Variants in FOXP2 observed in about 807,000 individuals in gnomAD.
FOXP2 encodes forkhead box P2.
In FOXP2, 12 loss-of-function variants were observed where a neutral mutation model predicts 115.8. That is an observed-to-expected ratio of 0.10 (90% CI 0.07 to 0.17). FOXP2 has a LOEUF of 0.17. Among genes scored for constraint, FOXP2 ranks in the 10% least tolerant of loss-of-function variants. The pLI, the probability that FOXP2 is intolerant of heterozygous loss-of-function variation, is 1.00. For synonymous variants in FOXP2, 328 were observed against 297.7 expected, an observed-to-expected ratio of 1.10 and a Z score of -1.05; for missense variants, 629 against 843.5, an observed-to-expected ratio of 0.75 and a Z score of 3.15.
chr7:114,658,077 G>A lies in FOXP2; in HGVS notation c.1278G>A (p.Val426=). The A allele has an allele frequency of 6.2e-7, 1 of 1,613,682 alleles. No individual in the cohort carries two copies. The highest frequency in any genetic ancestry group is 8.5e-7 in the Non-Finnish European group (1 of 1,179,770). ...PKPSPKPLNL[V]SSVTMSKNML... is the part of the protein sequence containing the mutation. ...TTGGGCCTTTGCAGCTAAATCTGGTGTCTAGTGTCACCATGTCGAAGAATA... is the reference window on the plus strand; with the variant it reads ...TTGGGCCTTTGCAGCTAAATCTGGTATCTAGTGTCACCATGTCGAAGAATA... The change falls in exon 11 of 17, where the codon GTG becomes GTA. Residue 426 remains valine (V), a synonymous_variant. Coordinates refer to ENST00000350908, the MANE Select transcript of FOXP2 (RefSeq NM_014491.4).
At chr7:114,193,337 A>G (rs1221795193) in intron 1 of FOXP2, among the ~76,000 whole-genome samples, 3 of 151,952 alleles carry the variant, frequency 2.0e-5, no homozygotes, top group Admixed American at 2.0e-4. Flanking sequence ...TGATTATGTC[A>G]TTTTCTGAAG....
chr7:114,459,147 C>T (rs1054401591), intron 2 of FOXP2, among the ~76,000 whole-genome samples: 2 of 152,166 alleles, frequency 1.3e-5, no homozygotes, highest in Non-Finnish European at 2.9e-5. Context: ...GCAGCCAGTC[C>T]TCTTAAGAGC....
At chr7:114,453,368 T>C (rs1795149944) in intron 2 of FOXP2, among the ~76,000 whole-genome samples, 1 of 152,150 alleles carries the variant, frequency 6.6e-6, no homozygotes, top group Non-Finnish European at 1.5e-5. Context: ...TTTTGTTTAC[T>C]ATCAGTACAA....
At chr7:114,682,857 T>C (rs1235209022) in intron 16 of FOXP2, among the ~76,000 whole-genome samples, 1 of 152,160 alleles carries the variant, frequency 6.6e-6, no homozygotes, top group African/African-American at 2.4e-5. Flanking sequence ...AATAGAAATT[T>C]TATTTTTATT....
rs541122786 is a variant in FOXP2, at chr7:114,587,097, G to T, written c.259-41443G>T. 6.0e-5 allele frequency among the ~76,000 whole-genome samples: 9 copies of T among 150,164 alleles called. No individual in the cohort carries two copies. In the South Asian group the frequency reaches 1.9e-3, roughly 32 times the overall value. Reference sequence around the variant, plus strand: ...AATTTTACTTTAAGTTCTGGGATACGTGTGCAGAACGTGCAGGTTTGTTAC... The same window carrying T: ...AATTTTACTTTAAGTTCTGGGATACTTGTGCAGAACGTGCAGGTTTGTTAC... On this transcript the variant is annotated intron_variant, in intron 3 of 16. Coordinates refer to ENST00000350908, the MANE Select transcript of FOXP2 (RefSeq NM_014491.4).
At chr7:114,608,992 G>A (rs1803484590) in intron 3 of FOXP2, among the ~76,000 whole-genome samples, 5 of 151,762 alleles carry the variant, frequency 3.3e-5, no homozygotes, top group Non-Finnish European at 7.4e-5. Flanking sequence ...TGAGGTCAGG[G>A]TTTCGAGACC....
At chr7:114,610,693 G>T (rs1345582382) in intron 3 of FOXP2, among the ~76,000 whole-genome samples, 13 of 150,040 alleles carry the variant, frequency 8.7e-5, no homozygotes, top group Non-Finnish European at 1.3e-4. Context: ...TTTTGTTTTT[G>T]AGGTAGAGTC....
chr7:114,289,657 A>G (rs903980500), intron 2 of FOXP2, among the ~76,000 whole-genome samples: 2 of 151,956 alleles, frequency 1.3e-5, no homozygotes, highest in Non-Finnish European at 2.9e-5. Flanking sequence ...TTTTAAAAGT[A>G]GAGAATTCCT....
chr7:114,461,592 G>C (rs1795561808), intron 2 of FOXP2, among the ~76,000 whole-genome samples: 1 of 152,002 alleles, frequency 6.6e-6, no homozygotes, highest in Admixed American at 6.5e-5. Flanking sequence ...CTCATGAGTT[G>C]CTTTTTGTTT....
intron 3 of FOXP2, among the ~76,000 whole-genome samples, chr7:114,619,687 A>G (rs1219833098): frequency 2.0e-5 from 3 of 152,172 alleles, no homozygotes; most frequent in South Asian, 2.1e-4. Context: ...CCTTTGGGTC[A>G]AATTATTCTT....
intron 2 of FOXP2, among the ~76,000 whole-genome samples, chr7:114,333,594 A>G (rs576506214): frequency 2.0e-5 from 3 of 152,200 alleles, no homozygotes; most frequent in Non-Finnish European, 4.4e-5. Context: ...CTCTACTAAA[A>G]ATACAAAAAT....
intron 6 of FOXP2, among the ~76,000 whole-genome samples, chr7:114,632,940 A>C (rs1366469600): frequency 6.6e-6 from 1 of 152,160 alleles, no homozygotes; most frequent in Non-Finnish European, 1.5e-5. Context: ...AGAAAAATAA[A>C]TACAATTTAA....
intron 2 of FOXP2, among the ~76,000 whole-genome samples, chr7:114,383,068 G>T (rs1246219598): frequency 6.6e-6 from 1 of 152,180 alleles, no homozygotes; most frequent in African/African-American, 2.4e-5. Context: ...TCATTGACCT[G>T]ACTGAGATAC....
intron 2 of FOXP2, among the ~76,000 whole-genome samples, chr7:114,473,886 A>T (rs933816485): frequency 3.3e-5 from 4 of 122,826 alleles, no homozygotes; most frequent in South Asian, 2.8e-4. Flanking sequence ...CATCAAGTTT[A>T]AAAAAAAAAG....
upstream of FOXP2, among the ~76,000 whole-genome samples, chr7:114,410,004 T>G (rs1397199673): frequency 6.6e-6 from 1 of 152,070 alleles, no homozygotes; most frequent in African/African-American, 2.4e-5. Context: ...TGTCTTTAGT[T>G]TTGCTTCACT....
chr7:114,136,751 T>C (rs182487146), intron 1 of FOXP2, among the ~76,000 whole-genome samples: 129 of 151,960 alleles, frequency 8.5e-4, no homozygotes, highest in African/African-American at 2.9e-3. Flanking sequence ...TCTGTTACAA[T>C]GAATTATTCA....
rs1805646225 is a variant in FOXP2 at position 114,642,820 on chromosome 7, T to A, written c.989+197T>A. Among the ~76,000 whole-genome samples the A allele has an allele frequency of 4.0e-5, 5 of 123,832 alleles. No individual in the cohort carries two copies. The East Asian group carries it at 1.2e-3, about 30-fold the overall frequency. The allele number at this position is 123,832 out of a possible 152,430, so 81.2% of individuals were successfully genotyped here. On this transcript the variant is annotated intron_variant, in intron 7 of 16. Coordinates refer to ENST00000350908, the MANE Select transcript of FOXP2 (RefSeq NM_014491.4). ...TATATATATATATATATATTTTTTT[T>A]TTTTTTTAGGCAGAGTCTTGCTCTG...
chr7:114,639,761 A>G (rs1221522295), intron 6 of FOXP2, among the ~76,000 whole-genome samples: 1 of 152,188 alleles, frequency 6.6e-6, no homozygotes, highest in Non-Finnish European at 1.5e-5. Flanking sequence ...ATGAAAAGTG[A>G]AGAGAGAGCG....
chr7:114,561,829 G>A (rs1800773648), intron 3 of FOXP2, among the ~76,000 whole-genome samples: 2 of 152,006 alleles, frequency 1.3e-5, no homozygotes, highest in Non-Finnish European at 2.9e-5. Context: ...TTTCTCTATA[G>A]CCCATGCTGG....
Sources: allele counts gnomAD v4.1 joint callset (sites outside exome capture counted in the v4.1 genomes callset), GRCh38; gene constraint gnomAD v4.1.1; transcripts MANE v1.5; gene names NCBI Gene and HGNC (gene_info 2026-07-23, HGNC 2026-07-21).